The following KLF9 variants were observed in gnomAD, a reference collection of about 807,000 sequenced individuals.
The protein encoded by KLF9 is KLF transcription factor 9.
Under a neutral mutation model 17.3 loss-of-function variants are expected in KLF9, and 2 were observed. The observed-to-expected ratio is 0.12, with a 90% confidence interval of 0.05 to 0.36. The LOEUF (loss-of-function observed/expected upper bound fraction) is 0.36. KLF9 is among the 10% of genes least tolerant of loss of function. The pLI is 1.00. For missense variants in KLF9, 226 were observed against 333.2 expected (o/e 0.68, Z 2.51); for synonymous variants, 138 against 139.2 (o/e 0.99, Z 0.06).
chr9:70,407,977 G>C (rs1027766812), intron 1 of KLF9, among the ~76,000 whole-genome samples: 18 of 152,136 alleles, frequency 1.2e-4, no homozygotes, highest in African/African-American at 4.3e-4. Context: ...GGCAAAAATT[G>C]GTTCTGTGAC....
At chr9:70,389,668 C>A (rs952809291) in intron 1 of KLF9, among the ~76,000 whole-genome samples, 3 of 152,170 alleles carry the variant, frequency 2.0e-5, no homozygotes, top group African/African-American at 4.8e-5. Flanking sequence ...AAGATGAAGG[C>A]AGGGGAGGTG....
chr9:70,411,187 G>T (rs534827559), intron 1 of KLF9, among the ~76,000 whole-genome samples: 1 of 152,318 alleles, frequency 6.6e-6, no homozygotes, highest in South Asian at 2.1e-4. Context: ...GAGTCGGACA[G>T]ACTCTGGCAG....
rs535371507 is a variant in KLF9 at position 70,397,242 on chromosome 9, A to C, written c.506-9237T>G. Among the ~76,000 whole-genome samples, 4 of 152,186 alleles carry C rather than the reference A, an allele frequency of 2.6e-5. No homozygotes were observed. The South Asian group carries it at 8.3e-4, about 32-fold the overall frequency. On this transcript the variant is annotated intron_variant, in intron 1 of 1. Coordinates refer to ENST00000377126, the MANE Select transcript of KLF9 (RefSeq NM_001206.4). The stretch of plus-strand genomic sequence containing the variant: ...TGTAATCCAGCACTTTGGGAGGCCA[A>C]GGGGGGTGGATCGCTTGAGGTGAGG...
In KLF9 at chr9:70,401,151, T is replaced by C. The variant is rs137991847; in HGVS notation, c.505+11708A>G. Among the ~76,000 whole-genome samples the C allele has an allele frequency of 3.2e-3, 439 of 138,248 alleles. 2 individuals carry two copies. Among genetic ancestry groups the C allele is most frequent in the African/African-American group, 0.011 (401 of 36,302 alleles). The allele number at this position is 138,248 out of a possible 152,430, so 90.7% of individuals were successfully genotyped here. ...GAGTTCGAGACCAGCCTGAGCAATA[T>C]AGCGAGATCCCATCTCCAAAAAAAA... On this transcript the variant is annotated intron_variant, in intron 1 of 1. Transcript: ENST00000377126.
At chr9:70,401,686 C>CAAAAAAAA (rs34988097) in intron 1 of KLF9, among the ~76,000 whole-genome samples, 3 of 66,478 alleles carry the variant, frequency 4.5e-5, no homozygotes, top group African/African-American at 1.6e-4. Context: ...GACTCCTTCA[C>CAAAAAAAA]AAAAAAAAAA....
At chr9:70,410,139 C>T (rs760264287) in intron 1 of KLF9, among the ~76,000 whole-genome samples, 89 of 152,214 alleles carry the variant, frequency 5.8e-4, no homozygotes, top group Non-Finnish European at 8.1e-4. Flanking sequence ...CGAGGTACTG[C>T]CCCATATCAT....
At chr9:70,399,762 C>A (rs182003170) in intron 1 of KLF9, among the ~76,000 whole-genome samples, 97 of 152,380 alleles carry the variant, frequency 6.4e-4, no homozygotes, top group Non-Finnish European at 1.0e-3. Flanking sequence ...CAGAGACTGA[C>A]CTTTCACAGT....
rs1203535561 is a variant in KLF9, at chr9:70,385,231, T to C, written c.*2545A>G. 1 of 152,680 alleles carries C rather than the reference T, an allele frequency of 6.5e-6. No individual in the cohort carries two copies. The highest frequency in any genetic ancestry group is 2.4e-5 in the African/African-American group (1 of 41,464). The allele number at this position is 152,680 out of a possible 1,614,324, so 9.5% of individuals were successfully genotyped here. ...CATAGTTTTAGTGTTCAATGAACTC[T>C]AGTAGTCCTATTTGAACCATATCTT... is the stretch of plus-strand genomic sequence containing the variant. On this transcript the variant is annotated 3_prime_UTR_variant, in exon 2 of 2. Transcript: ENST00000377126.
intron 1 of KLF9, among the ~76,000 whole-genome samples, chr9:70,395,833 A>G (rs1046578556): frequency 6.6e-6 from 1 of 152,032 alleles, no homozygotes; most frequent in Non-Finnish European, 1.5e-5. Context: ...AGTCCCAGCT[A>G]CTCAGGTGGG....
At chr9:70,397,467 T>G (rs2037189403) in intron 1 of KLF9, among the ~76,000 whole-genome samples, 1 of 151,560 alleles carries the variant, frequency 6.6e-6, no homozygotes, top group Non-Finnish European at 1.5e-5. Flanking sequence ...AGAGTGAGAC[T>G]CTGACTAAAA....
In KLF9 at chr9:70,412,859, C is replaced by T; in HGVS notation, c.505G>A (p.Gly169Ser). 1 of 1,580,566 alleles carries T rather than the reference C, an allele frequency of 6.3e-7. No homozygotes were observed. Among genetic ancestry groups the T allele is most frequent in the Non-Finnish European group, 8.6e-7 (1 of 1,162,518 alleles). Residue 169 changes from glycine to serine, a missense_variant and splice_region_variant, in exon 1 of 2, where the codon GGT (glycine) becomes AGT (serine). Transcript: ENST00000377126. The part of the protein sequence containing the change: ...HLKAHYRVHT[G>S]ERPFPCTWPD... The stretch of plus-strand genomic sequence containing the variant: ...CGGGGGAGAGGGCGACGCCGCTAAC[C>T]TGTATGCACTCTGTAATGGGCTTTG...
rs567821285 is a variant in KLF9 at position 70,386,705 on chromosome 9, G to C, written c.*1071C>G. The C allele has an allele frequency of 2.6e-5, 4 of 152,584 alleles. No homozygotes were observed. The highest frequency in any genetic ancestry group is 9.6e-5 in the African/African-American group (4 of 41,544). The allele number at this position is 152,584 out of a possible 1,614,324, so 9.5% of individuals were successfully genotyped here. On this transcript the variant is annotated 3_prime_UTR_variant, in exon 2 of 2. Coordinates refer to ENST00000377126, the MANE Select transcript of KLF9 (RefSeq NM_001206.4). ...AAGCTCTCTCCCCTAGTGGCATTAG[G>C]ATACAATAATGATGTTAACTAAAAG...
At position 70,387,426 on chromosome 9, in the gene KLF9, C is replaced by T. The variant is rs2037120213; in HGVS notation, c.*350G>A. On this transcript the variant is annotated 3_prime_UTR_variant, in exon 2 of 2. Transcript: ENST00000377126. The stretch of plus-strand genomic sequence containing the variant: ...CTACCCCAGTCTTGGCCTTACCCCC[C>T]TCCCCCCCACCCACTCCCTACCCTC... 6.9e-6 allele frequency: 1 copy of T among 145,272 alleles called. No individual in the cohort carries two copies. The highest frequency in any genetic ancestry group is 1.5e-5 in the Non-Finnish European group (1 of 67,436). The allele number at this position is 145,272 out of a possible 1,614,324, so 9.0% of individuals were successfully genotyped here.
In KLF9 at chr9:70,413,388, G is replaced by T; in HGVS notation, c.-25C>A. 1 of 1,470,818 alleles carries T rather than the reference G, an allele frequency of 6.8e-7. No homozygotes were observed. Among genetic ancestry groups the T allele is most frequent in the Non-Finnish European group, 9.0e-7 (1 of 1,113,168 alleles). 91.1% of individuals were successfully genotyped at this position (1,470,818 alleles called of 1,614,324 possible). A position where few individuals can be genotyped will look rare whatever the true frequency, so the allele number is the denominator to read the frequency against. On this transcript the variant is annotated 5_prime_UTR_variant, in exon 1 of 2. Transcript: ENST00000377126. The surrounding 1 kb of genome is among the most constrained non-coding windows in gnomAD (Gnocchi z 5.6). Reference sequence around the variant, plus strand: ...TGGTGCGGGCGACGGCAGCCCAGGCGGCGCGGACAAACTTGGCGGTGGCTG... The same window carrying T: ...TGGTGCGGGCGACGGCAGCCCAGGCTGCGCGGACAAACTTGGCGGTGGCTG...
In KLF9 at chr9:70,386,441, T is replaced by G. The variant is rs1323526249; in HGVS notation, c.*1335A>C. On this transcript the variant is annotated 3_prime_UTR_variant, in exon 2 of 2. Transcript: ENST00000377126. Reference sequence around the variant, plus strand: ...TGCCTGCATTCTCCACAAGGGACGATTTTGCAGAGTCTCCTCTGAAATCAT... The same window carrying G: ...TGCCTGCATTCTCCACAAGGGACGAGTTTGCAGAGTCTCCTCTGAAATCAT... The G allele has an allele frequency of 1.3e-5, 2 of 152,678 alleles. No homozygotes were observed. Among genetic ancestry groups the G allele is most frequent in the African/African-American group, 4.8e-5 (2 of 41,464 alleles). 9.5% of individuals were successfully genotyped at this position (152,678 alleles called of 1,614,324 possible). A position where few individuals can be genotyped will look rare whatever the true frequency, so the allele number is the denominator to read the frequency against.
intron 1 of KLF9, among the ~76,000 whole-genome samples, chr9:70,398,487 G>T (rs2037198359): frequency 1.3e-5 from 2 of 150,792 alleles, no homozygotes; most frequent in Non-Finnish European, 3.0e-5. Context: ...GCAGATAACA[G>T]AATTTTTTTT....
Position 70,414,361 on chromosome 9 carries a change from G to A in KLF9, c.-998C>T, listed in dbSNP as rs1375509646. On this transcript the variant is annotated 5_prime_UTR_variant, in exon 1 of 2. Coordinates refer to ENST00000377126, the MANE Select transcript of KLF9 (RefSeq NM_001206.4). ...GGTTTTCCAGCTCCCAAACAGTTAA[G>A]TGACTTCCTGCAAACGCTACAGTCC... 2.0e-5 allele frequency: 3 copies of A among 152,238 alleles called. No homozygotes were observed. The highest frequency in any genetic ancestry group is 2.0e-4 in the Admixed American group (3 of 15,286). 9.4% of individuals were successfully genotyped at this position (152,238 alleles called of 1,614,324 possible). A position where few individuals can be genotyped will look rare whatever the true frequency, so the allele number is the denominator to read the frequency against.
chr9:70,397,245 G>C (rs369493315), intron 1 of KLF9, among the ~76,000 whole-genome samples: 6 of 152,032 alleles, frequency 3.9e-5, no homozygotes, highest in Non-Finnish European at 5.9e-5. Flanking sequence ...GAGGCCAAGG[G>C]GGGTGGATCG....
At chr9:70,401,451 C>G (rs1167328092) in intron 1 of KLF9, among the ~76,000 whole-genome samples, 1 of 151,750 alleles carries the variant, frequency 6.6e-6, no homozygotes, top group Admixed American at 6.6e-5. Context: ...TTTGGAAGGC[C>G]GAGGCCGGTG....
Sources: gnomAD v4.1 joint callset for allele counts (sites outside exome capture counted in the v4.1 genomes callset) on GRCh38, gnomAD v4.1.1 for gene constraint, Gnocchi (gnomAD v3.1) non-coding constraint, MANE v1.5 for transcripts, NCBI Gene and HGNC (gene_info 2026-07-23, HGNC 2026-07-21) for gene names.